SLCO1B3: variants seen among roughly 807,000 people sequenced by gnomAD.
SLCO1B3 encodes solute carrier organic anion transporter family member 1B3.
In SLCO1B3, 72 loss-of-function variants were observed where a neutral mutation model predicts 71.8. That is an observed-to-expected ratio of 1.00 (90% CI 0.83 to 1.22). The LOEUF is 1.22. Among genes scored for constraint, SLCO1B3 ranks in the 50% most tolerant of loss-of-function variants. The pLI is 0.00. For synonymous variants in SLCO1B3, 298 were observed against 278.4 expected (o/e 1.07, Z -0.70); for missense variants, 911 against 819.7 (o/e 1.11, Z -1.36).
intron 15 of SLCO1B3, among the ~76,000 whole-genome samples, chr12:20,905,880 C>A (rs1242770275): frequency 6.6e-6 from 1 of 152,222 alleles, no homozygotes; most frequent in Non-Finnish European, 1.5e-5. Flanking sequence ...ATCCTTATAG[C>A]AGTGTCCCAC....
chr12:20,812,182 C>G (rs929327479), intron 1 of SLCO1B3, among the ~76,000 whole-genome samples: 2 of 152,130 alleles, frequency 1.3e-5, no homozygotes, highest in East Asian at 3.9e-4. Flanking sequence ...GCTGGGATTA[C>G]AGGCATGAGT....
At chr12:20,899,494 G>A (rs1866084290) in intron 14 of SLCO1B3, among the ~76,000 whole-genome samples, 1 of 152,182 alleles carries the variant, frequency 6.6e-6, no homozygotes, top group African/African-American at 2.4e-5. Context: ...TGTACATGAA[G>A]TGTATTCGGT....
chr12:20,849,243 G>T (rs1864974932), intron 3 of SLCO1B3, among the ~76,000 whole-genome samples: 1 of 151,832 alleles, frequency 6.6e-6, no homozygotes, highest in Non-Finnish European at 1.5e-5. Context: ...GATTCATCCT[G>T]GAAATTTAAG....
chr12:20,878,938 T>C (rs1028758891), intron 10 of SLCO1B3, among the ~76,000 whole-genome samples: 31 of 152,076 alleles, frequency 2.0e-4, no homozygotes, highest in African/African-American at 7.0e-4. Context: ...TTATTGAGGA[T>C]TGAAACATTT....
chr12:20,890,828 A>G (rs1865889399), intron 13 of SLCO1B3, among the ~76,000 whole-genome samples: 2 of 152,112 alleles, frequency 1.3e-5, no homozygotes, highest in African/African-American at 4.8e-5. Flanking sequence ...CAGTATAACT[A>G]CTACTGCTCT....
At chr12:20,880,005 A>G (rs192766731) in intron 11 of SLCO1B3, among the ~76,000 whole-genome samples, 10 of 152,144 alleles carry the variant, frequency 6.6e-5, no homozygotes, top group Admixed American at 1.3e-4. Flanking sequence ...ATGTCATTAA[A>G]TAAAATTATT....
chr12:20,830,416 A>G (rs191443251), intron 3 of SLCO1B3, among the ~76,000 whole-genome samples: 3 of 152,304 alleles, frequency 2.0e-5, no homozygotes, highest in Admixed American at 2.0e-4. Context: ...AGGTGAGGGT[A>G]TGTTCACAAT....
chr12:20,899,515 C>T (rs535099441), intron 14 of SLCO1B3, among the ~76,000 whole-genome samples: 2 of 152,286 alleles, frequency 1.3e-5, no homozygotes, highest in African/African-American at 4.8e-5. Context: ...GAGAAGGTCA[C>T]AGATCCTGAA....
chr12:20,837,335 A>G (rs996240666), intron 3 of SLCO1B3, among the ~76,000 whole-genome samples: 25 of 151,508 alleles, frequency 1.7e-4, no homozygotes, highest in African/African-American at 5.8e-4. Context: ...TTTAATTTTT[A>G]TTATTAACTT....
At chr12:20,900,761 T>C (rs898811751) in intron 14 of SLCO1B3, among the ~76,000 whole-genome samples, 7 of 152,252 alleles carry the variant, frequency 4.6e-5, no homozygotes, top group South Asian at 2.1e-4. Flanking sequence ...AAAGAGAGAA[T>C]TGGGCTCTGA....
At chr12:20,814,665 C>T (rs1041142443) in intron 2 of SLCO1B3, among the ~76,000 whole-genome samples, 7 of 151,964 alleles carry the variant, frequency 4.6e-5, no homozygotes, top group East Asian at 1.9e-4. Context: ...CCGAGGCGGG[C>T]GGATCAGGAG....
chr12:20,894,197 CT>C (rs1378125531), intron 13 of SLCO1B3, among the ~76,000 whole-genome samples: 1 of 152,078 alleles, frequency 6.6e-6, no homozygotes, highest in East Asian at 1.9e-4. Context: ...CTTAGGGTGC[CT>C]TTTGTGATGA....
At chr12:20,849,916 C>T (rs1456288504) in intron 3 of SLCO1B3, among the ~76,000 whole-genome samples, 1 of 151,748 alleles carries the variant, frequency 6.6e-6, no homozygotes, top group African/African-American at 2.4e-5. Context: ...TAAAGACCCA[C>T]ATAAATGGAA....
In SLCO1B3 at chr12:20,916,594, T is replaced by TAA. The variant is rs397689574; in HGVS notation, c.*354_*355dup. ...AATAAAGAGAAAAGCCTGATGCCTT[T>TAA]AAAAAAAATGAAACACTTTGGATGT... On this transcript the variant is annotated 3_prime_UTR_variant, in exon 16 of 16. Transcript: ENST00000381545. The TAA allele has an allele frequency of 1.3e-5, 2 of 156,730 alleles. No homozygotes were observed. The highest frequency in any genetic ancestry group is 2.0e-4 in the South Asian group (1 of 5,126). The allele number at this position is 156,730 out of a possible 1,614,324, so 9.7% of individuals were successfully genotyped here. A position where few individuals can be genotyped will look rare whatever the true frequency, so the allele number is the denominator to read the frequency against.
At chr12:20,829,556 C>T (rs1475190730) in intron 3 of SLCO1B3, among the ~76,000 whole-genome samples, 2 of 152,160 alleles carry the variant, frequency 1.3e-5, no homozygotes, top group Admixed American at 6.5e-5. Flanking sequence ...TGGGAGCCCC[C>T]TGACCTTGGC....
chr12:20,893,604 T>C (rs1670540825), intron 13 of SLCO1B3, among the ~76,000 whole-genome samples: 2 of 152,114 alleles, frequency 1.3e-5, no homozygotes, highest in African/African-American at 4.8e-5. Context: ...TGGAGTGTCA[T>C]TGGGAGTAAG....
At chr12:20,811,431 A>G (rs995320735) in intron 1 of SLCO1B3, among the ~76,000 whole-genome samples, 1 of 152,190 alleles carries the variant, frequency 6.6e-6, no homozygotes, top group Non-Finnish European at 1.5e-5. Context: ...TTATTGTGAA[A>G]GTAAGGTGGG....
chr12:20,870,697 C>T (rs552381130), intron 8 of SLCO1B3, among the ~76,000 whole-genome samples: 2 of 152,206 alleles, frequency 1.3e-5, no homozygotes, highest in East Asian at 3.9e-4. Context: ...ATCTTTATGC[C>T]AGTACTGTAA....
intron 3 of SLCO1B3, among the ~76,000 whole-genome samples, chr12:20,847,776 T>A (rs1382685594): frequency 6.6e-6 from 1 of 151,172 alleles, no homozygotes; most frequent in Non-Finnish European, 1.5e-5. Context: ...AGGATACAAA[T>A]TACAGGGATT....
Sources: allele counts gnomAD v4.1 joint callset (sites outside exome capture counted in the v4.1 genomes callset), GRCh38; gene constraint gnomAD v4.1.1; transcripts MANE v1.5; gene names NCBI Gene and HGNC (gene_info 2026-07-23, HGNC 2026-07-21).